Variants in ATR observed in about 807,000 individuals in gnomAD.
ATR encodes the protein ATR checkpoint kinase, also known as serine/threonine-protein kinase ATR.
A neutral mutation model predicts 305.3 loss-of-function variants in ATR; 142 were observed. The ratio of observed to expected loss-of-function variants is 0.47; its 90% CI spans 0.41 to 0.53. The LOEUF (loss-of-function observed/expected upper bound fraction) is 0.53, where lower values mean the gene tolerates loss of function less well. ATR is among the 20% of genes least tolerant of loss of function. ATR has a pLI of 0.00. For synonymous variants in ATR, 1,050 were observed against 1,068.1 expected, an observed-to-expected ratio of 0.98 and a Z score of 0.33; for missense variants, 2,135 against 3,133.1, an observed-to-expected ratio of 0.68 and a Z score of 7.60.
chr3:142,451,919 A>C (rs1483500320), intron 46 of ATR: 1 of 1,282,376 alleles, frequency 7.8e-7, no homozygotes, highest in African/African-American at 1.5e-5. Flanking sequence ...ATCCCTCAGT[A>C]AAAGGTATCC....
chr3:142,559,042 A>G (rs2034783736), intron 7 of ATR: 1 of 649,532 alleles, frequency 1.5e-6, no homozygotes, highest in Admixed American at 3.4e-5. Flanking sequence ...GAAGTTATAA[A>G]TAATTTCTAT....
chr3:142,550,016 A>C (rs1387513642), intron 14 of ATR, 116 bp downstream of exon 14: 2 of 1,340,272 alleles, frequency 1.5e-6, no homozygotes, highest in African/African-American at 2.9e-5. Context: ...ACTCAAATCC[A>C]CTTAAACTTA....
At chr3:142,531,379 A>T (rs1189266822) in intron 21 of ATR, among the ~76,000 whole-genome samples, 1 of 152,046 alleles carries the variant, frequency 6.6e-6, no homozygotes, top group African/African-American at 2.4e-5. Flanking sequence ...AACATTAGGT[A>T]TATCTCCTAA....
At position 142,553,413 on chromosome 3, in the gene ATR, A is replaced by C; in HGVS notation, c.2634-15T>G. 6.2e-7 allele frequency: 1 copy of C among 1,608,434 alleles called. No individual in the cohort carries two copies. Among genetic ancestry groups the C allele is most frequent in the African/African-American group, 1.3e-5 (1 of 74,222 alleles). ...CTTTTGCGGCCCTAAAATTAAAAAC[A>C]ACATACATATGAATACACAAACACA... On this transcript the variant is annotated splice_polypyrimidine_tract_variant and intron_variant, in intron 12 of 46. Coordinates refer to ENST00000350721, the MANE Select transcript of ATR (RefSeq NM_001184.4).
intron 34 of ATR, among the ~76,000 whole-genome samples, chr3:142,494,703 T>A (rs570925784): frequency 6.6e-6 from 1 of 152,224 alleles, no homozygotes; most frequent in African/African-American, 2.4e-5. Context: ...GAGATGGTGA[T>A]GAATGACACT....
At chr3:142,567,316 G>A (rs1419993785) in intron 2 of ATR, among the ~76,000 whole-genome samples, 1 of 152,182 alleles carries the variant, frequency 6.6e-6, no homozygotes, top group South Asian at 2.1e-4. Flanking sequence ...GAGTTGGTCA[G>A]AGAGGGGAAG....
chr3:142,496,326 A>ATATATATGTATATATATATACATG (rs2031634392), intron 34 of ATR, 35 bp downstream of exon 34: 1 of 371,802 alleles, frequency 2.7e-6, no homozygotes, highest in African/African-American at 2.9e-5. Context: ...ATATATATAT[A>ATATATATGTATATATATATACATG]TATATATATA....
chr3:142,572,756 C>G (rs145917865), intron 1 of ATR, among the ~76,000 whole-genome samples: 33 of 151,816 alleles, frequency 2.2e-4, no homozygotes, highest in African/African-American at 7.5e-4. Flanking sequence ...GTGACAAAAC[C>G]AGACCCCTGT....
rs1399290317 is a variant in ATR, at chr3:142,515,398, T to A, written c.4500A>T (p.Thr1500=). Residue 1500 remains threonine (T), a synonymous_variant, in exon 25 of 47, where the codon ACA becomes ACT. Transcript: ENST00000350721. ...WSASWAGYLI[T]KVRHDLASKI... ...CAAACTGAACAGGGTTTCTTACCTTTGTAATAAGATAACCTGCCCAAGATG... is the reference window on the plus strand; with the variant it reads ...CAAACTGAACAGGGTTTCTTACCTTAGTAATAAGATAACCTGCCCAAGATG... 2 of 1,613,806 alleles carry A rather than the reference T, an allele frequency of 1.2e-6. No individual in the cohort carries two copies. The highest frequency in any genetic ancestry group is 2.2e-5 in the South Asian group (2 of 91,070).
rs1559994238 is a variant in ATR at position 142,558,655 on chromosome 3, T to A, written c.1854A>T (p.Leu618=). The change falls in exon 8 of 47, where the codon CTA becomes CTT. Residue 618 remains leucine, a synonymous_variant. Transcript: ENST00000350721. ...LKLTTFAANL[L]TLSCRISDSY... ...TATCTGAAATCCTACAGCTTAATGT[T>A]AGAAGATTAGCGGCAAATGTGGTCA... 1 of 1,613,438 alleles carries A rather than the reference T, an allele frequency of 6.2e-7. No homozygotes were observed. Among genetic ancestry groups the A allele is most frequent in the Admixed American group, 1.7e-5 (1 of 60,006 alleles).
chr3:142,540,570 T>C (rs1043033527), intron 18 of ATR, among the ~76,000 whole-genome samples: 2 of 152,096 alleles, frequency 1.3e-5, no homozygotes, highest in African/African-American at 4.8e-5. Context: ...ACAAGCACAA[T>C]GATAAGATTC....
chr3:142,562,435 C>T lies in ATR; in HGVS notation c.967G>A (p.Glu323Lys). 6.2e-7 allele frequency: 1 copy of T among 1,614,108 alleles called. No homozygotes were observed. The highest frequency in any genetic ancestry group is 8.5e-7 in the Non-Finnish European group (1 of 1,180,002). The change falls in exon 4 of 47, where the codon GAA becomes AAA. Residue 323 changes from glutamate (E) to lysine (K), a missense_variant. Physicochemically the swap from Glu to Lys is moderately conservative, Grantham distance 56. Transcript: ENST00000350721. ...TCTTCAAACATGACACAGAGTTTTTCCAGCAGCATATTTAAATAGACAGGT... is the reference window on the plus strand; with the variant it reads ...TCTTCAAACATGACACAGAGTTTTTTCAGCAGCATATTTAAATAGACAGGT... Reference protein sequence around the residue: ...IEPVYLNMLLEKLCVMFEDGV... With the variant: ...IEPVYLNMLLKKLCVMFEDGV...
At chr3:142,504,098 C>A (rs2032115038) in intron 29 of ATR, among the ~76,000 whole-genome samples, 1 of 152,058 alleles carries the variant, frequency 6.6e-6, no homozygotes, top group South Asian at 2.1e-4. Flanking sequence ...TCAAATATGA[C>A]AAAAAGCAAT....
intron 15 of ATR, among the ~76,000 whole-genome samples, chr3:142,548,667 CA>C (rs2034359817): frequency 7.6e-6 from 1 of 131,884 alleles, no homozygotes; most frequent in African/African-American, 3.0e-5. Context: ...AAACTCCCAT[CA>C]CAAAAAAAAA....
At position 142,566,233 on chromosome 3, in the gene ATR, G is replaced by A. The variant is rs769014900; in HGVS notation, c.180C>T (p.Asp60=). The A allele has an allele frequency of 4.3e-6, 7 of 1,613,916 alleles. No individual in the cohort carries two copies. In the East Asian group the frequency reaches 1.1e-4, roughly 26 times the overall value. ...GCAACATCACGGAGGTTGGCTGAGA[G>A]TCAGTTTTCTTTACAAGTTCTACAG... ...VVAVELVKKT[D]SQPTSVMLLD... Residue 60 remains aspartate, a synonymous_variant, in exon 3 of 47, where the codon GAC becomes GAT. Transcript: ENST00000350721.
intron 41 of ATR, among the ~76,000 whole-genome samples, chr3:142,464,358 C>A (rs111538743): frequency 0.018 from 2,805 of 152,244 alleles, 29 homozygotes; most frequent in South Asian, 0.042. Context: ...AACTCTTGGC[C>A]TCAAGTGGTC....
chr3:142,549,369 C>T, intron 15 of ATR, 110 bp downstream of exon 15: 1 of 714,738 alleles, frequency 1.4e-6, no homozygotes, highest in Non-Finnish European at 2.2e-6. Context: ...AACTTACATT[C>T]TTCTAGGATA....
At chr3:142,472,980 T>C (rs2071330385) in intron 36 of ATR, among the ~76,000 whole-genome samples, 1 of 152,162 alleles carries the variant, frequency 6.6e-6, no homozygotes. Context: ...TTGAGTTCCT[T>C]ACCTATTTTG....
chr3:142,505,510 T>C (rs1452320473), intron 28 of ATR, among the ~76,000 whole-genome samples: 1 of 152,196 alleles, frequency 6.6e-6, no homozygotes, highest in East Asian at 1.9e-4. Context: ...CTTACTCCTT[T>C]TAAATACAAA....
Sources: gnomAD v4.1 joint callset for allele counts (sites outside exome capture counted in the v4.1 genomes callset) on GRCh38, gnomAD v4.1.1 for gene constraint, MANE v1.5 for transcripts, NCBI Gene and HGNC (gene_info 2026-07-23, HGNC 2026-07-21) for gene names.